Variants in UTS2B observed in about 807,000 individuals in gnomAD.
UTS2B encodes urotensin-2B.
Under a neutral mutation model 19.2 loss-of-function variants are expected in UTS2B, and 21 were observed. The ratio of observed to expected loss-of-function variants is 1.09; its 90% CI spans 0.78 to 1.58. UTS2B has a LOEUF of 1.58. Among genes scored for constraint, UTS2B ranks in the 40% most tolerant of loss-of-function variants. UTS2B has a pLI of 0.00. For missense variants in UTS2B, 138 were observed against 130.3 expected (o/e 1.06, Z -0.29); for synonymous variants, 57 against 50.2 (o/e 1.14, Z -0.58).
chr3:191,310,757 TAG>T (rs1351744928), intron 3 of UTS2B, among the ~76,000 whole-genome samples: 1 of 152,234 alleles, frequency 6.6e-6, no homozygotes, highest in Non-Finnish European at 1.5e-5. Flanking sequence ...GTTAAAGTTA[TAG>T]TAGCTTACTG....
rs1355830096 is a variant in UTS2B at position 191,268,132 on chromosome 3, T to C, written c.*284A>G. On this transcript the variant is annotated 3_prime_UTR_variant, in exon 9 of 9. Coordinates refer to ENST00000340524, the MANE Select transcript of UTS2B (RefSeq NM_198152.5). Reference sequence around the variant, plus strand: ...CATTCCATTCCCAGAGCTATGAACATCTGCTTTTCTGGGATAGGAATCTTG... The same window carrying C: ...CATTCCATTCCCAGAGCTATGAACACCTGCTTTTCTGGGATAGGAATCTTG... 1 of 245,348 alleles carries C rather than the reference T, an allele frequency of 4.1e-6. No homozygotes were observed. The highest frequency in any genetic ancestry group is 2.3e-5 in the African/African-American group (1 of 44,224). 15.2% of individuals were successfully genotyped at this position (245,348 alleles called of 1,614,324 possible). A position where few individuals can be genotyped will look rare whatever the true frequency, so the allele number is the denominator to read the frequency against.
chr3:191,276,371 C>T lies in UTS2B; in HGVS notation c.240+436G>A, dbSNP rs567663202. Among the ~76,000 whole-genome samples, 10 of 152,304 alleles carry T rather than the reference C, an allele frequency of 6.6e-5. No homozygotes were observed. In the East Asian group the frequency reaches 1.9e-3, roughly 29 times the overall value. On this transcript the variant is annotated intron_variant, in intron 7 of 8. Coordinates refer to ENST00000340524, the MANE Select transcript of UTS2B (RefSeq NM_198152.5). ...CAGCACTTTAGGCTCTTCACACCAG[C>T]TGCTTCAAGCCAAACAGCTTGACTT...
intron 6 of UTS2B, 102 bp from the exon 7 acceptor site, chr3:191,276,946 T>G: frequency 1.0e-6 from 1 of 987,482 alleles, no homozygotes; most frequent in African/African-American, 1.6e-5. Context: ...CATAGGTCTT[T>G]TTCATATGAT....
chr3:191,279,146 A>G (rs957924060), intron 5 of UTS2B, among the ~76,000 whole-genome samples: 1 of 152,082 alleles, frequency 6.6e-6, no homozygotes, highest in East Asian at 1.9e-4. Flanking sequence ...GCTAATTAAA[A>G]GAAGAAAATG....
chr3:191,295,129 C>A (rs1250497666), intron 4 of UTS2B, among the ~76,000 whole-genome samples: 1 of 151,972 alleles, frequency 6.6e-6, no homozygotes, highest in African/African-American at 2.4e-5. Context: ...AATCTTCTAC[C>A]TACTATGTCT....
intron 2 of UTS2B, among the ~76,000 whole-genome samples, chr3:191,317,436 C>G (rs1030996896): frequency 6.7e-4 from 102 of 151,264 alleles, no homozygotes; most frequent in African/African-American, 2.4e-3. Flanking sequence ...GGCCAGCCCA[C>G]AGAGGGGCTC....
chr3:191,281,277 G>T (rs1560134360), intron 5 of UTS2B, among the ~76,000 whole-genome samples: 1 of 152,006 alleles, frequency 6.6e-6, no homozygotes, highest in Admixed American at 6.5e-5. Flanking sequence ...GGCTGGAAAA[G>T]GTATTAGAGA....
intron 4 of UTS2B, among the ~76,000 whole-genome samples, chr3:191,295,073 TAAAAC>T (rs1387019092): frequency 1.3e-5 from 2 of 151,972 alleles, no homozygotes; most frequent in Non-Finnish European, 2.9e-5. Flanking sequence ...TCTTCCATCT[TAAAAC>T]AAAACAAAAC....
intron 7 of UTS2B, among the ~76,000 whole-genome samples, chr3:191,275,626 G>A (rs1716213638): frequency 6.6e-6 from 1 of 151,980 alleles, no homozygotes; most frequent in South Asian, 2.1e-4. Context: ...ACTGCAGTGA[G>A]CCGAGATTGC....
intron 2 of UTS2B, among the ~76,000 whole-genome samples, chr3:191,323,981 C>T (rs1178177785): frequency 6.6e-6 from 1 of 152,126 alleles, no homozygotes; most frequent in Non-Finnish European, 1.5e-5. Flanking sequence ...AATGTTGTGC[C>T]TTCCAAAACT....
chr3:191,305,550 G>A (rs1203483845), intron 3 of UTS2B, among the ~76,000 whole-genome samples: 1 of 151,952 alleles, frequency 6.6e-6, no homozygotes, highest in East Asian at 1.9e-4. Flanking sequence ...CCTTATAGAT[G>A]CTGGATATTA....
At chr3:191,337,605 A>C in the UTS2B span, among the ~76,000 whole-genome samples, 1 of 152,058 alleles carries the variant, frequency 6.6e-6, no homozygotes, top group Non-Finnish European at 1.5e-5. Flanking sequence ...GGCCTCCCAA[A>C]GTGCTGGGAT....
chr3:191,336,239 G>C, the UTS2B span, among the ~76,000 whole-genome samples: 4 of 151,456 alleles, frequency 2.6e-5, no homozygotes, highest in Admixed American at 6.6e-5. Flanking sequence ...TTGTCAAACT[G>C]TTTTTCAAAA....
chr3:191,329,698 G>A lies in UTS2B; in HGVS notation c.-665+716C>T, dbSNP rs916109238. Reference sequence around the variant, plus strand: ...GTATGGCTGAAGTCAGCATCGACCAGTCCAAGCTGCCTGGAGTCAAGGAAG... The same window carrying A: ...GTATGGCTGAAGTCAGCATCGACCAATCCAAGCTGCCTGGAGTCAAGGAAG... On this transcript the variant is annotated intron_variant, in intron 1 of 8. Coordinates refer to ENST00000340524, the MANE Select transcript of UTS2B (RefSeq NM_198152.5). 4 of 1,610,804 alleles carry A rather than the reference G, an allele frequency of 2.5e-6. No homozygotes were observed. In the African/African-American group the frequency reaches 5.3e-5, roughly 22 times the overall value.
chr3:191,277,951 G>A (rs1042537722), intron 6 of UTS2B, 121 bp downstream of exon 6: 11 of 531,826 alleles, frequency 2.1e-5, no homozygotes, highest in African/African-American at 4.0e-5. Flanking sequence ...AATCTTTAGT[G>A]TAGCATATAA....
chr3:191,318,753 G>A (rs568631709), intron 2 of UTS2B, among the ~76,000 whole-genome samples: 8 of 152,248 alleles, frequency 5.3e-5, no homozygotes, highest in Admixed American at 5.2e-4. Context: ...TGACAGGTGT[G>A]AGCTGCTGTG....
At position 191,282,279 on chromosome 3, in the gene UTS2B, T is replaced by C. The variant is rs1716412885; in HGVS notation, c.-90A>G. The C allele has an allele frequency of 1.1e-6, 1 of 903,636 alleles. No homozygotes were observed. The highest frequency in any genetic ancestry group is 2.2e-4 in the Middle Eastern group (1 of 4,560). 56.0% of individuals were successfully genotyped at this position (903,636 alleles called of 1,614,324 possible). ...AGCTTTGGAATTCAGTAGAGCTTAG[T>C]TGCAAAAGGCAAGTGTGCCTCAGTT... On this transcript the variant is annotated 5_prime_UTR_variant, in exon 5 of 9. Coordinates refer to ENST00000340524, the MANE Select transcript of UTS2B (RefSeq NM_198152.5).
In UTS2B at chr3:191,326,107, C is replaced by T. The variant is rs185841906; in HGVS notation, c.-586+2524G>A. ...TCCAGAAGTATAGTTCTGTGGGTCCCCTTTCCTGTTTTGCCAAGGTCCAGT... is the reference window on the plus strand; with the variant it reads ...TCCAGAAGTATAGTTCTGTGGGTCCTCTTTCCTGTTTTGCCAAGGTCCAGT... On this transcript the variant is annotated intron_variant, in intron 2 of 8. Coordinates refer to ENST00000340524, the MANE Select transcript of UTS2B (RefSeq NM_198152.5). Among the ~76,000 whole-genome samples, 118 of 152,162 alleles carry T rather than the reference C, an allele frequency of 7.8e-4. 1 individual carries two copies. The highest frequency in any genetic ancestry group is 3.5e-3 in the East Asian group (18 of 5,172).
chr3:191,321,888 G>A lies in UTS2B; in HGVS notation c.-585-5449C>T, dbSNP rs149712727. On this transcript the variant is annotated intron_variant, in intron 2 of 8. Transcript: ENST00000340524. ...CTAAAAATACAAAAATTAGCCAGGC[G>A]TGGTGGCGGGTGCCTGTAATCCCAG... Among the ~76,000 whole-genome samples, 1,504 of 152,226 alleles carry A rather than the reference G, an allele frequency of 9.9e-3. 23 individuals carry two copies. The highest frequency in any genetic ancestry group is 0.034 in the African/African-American group (1,413 of 41,532).
Sources: allele counts gnomAD v4.1 joint callset (sites outside exome capture counted in the v4.1 genomes callset), GRCh38; gene constraint gnomAD v4.1.1; transcripts MANE v1.5; gene names NCBI Gene and HGNC (gene_info 2026-07-23, HGNC 2026-07-21).